Variants in GRID2 observed in about 807,000 individuals in gnomAD.
GRID2 encodes the protein glutamate ionotropic receptor delta type subunit 2.
GRID2 carries 33 observed loss-of-function variants against 114.8 expected under a neutral mutation model. The observed-to-expected ratio is 0.29, with a 90% confidence interval of 0.22 to 0.38. The LOEUF (loss-of-function observed/expected upper bound fraction) is 0.38. Ranked by LOEUF, GRID2 falls within the 10% of genes least tolerant of loss-of-function variation. The pLI is 1.00. For missense variants in GRID2, 1,184 were observed against 1,257.7 expected, an observed-to-expected ratio of 0.94 and a Z score of 0.89; for synonymous variants, 505 against 449.9, an observed-to-expected ratio of 1.12 and a Z score of -1.55.
intron 1 of GRID2, among the ~76,000 whole-genome samples, chr4:92,427,835 T>G (rs1187269966): frequency 6.6e-6 from 1 of 152,344 alleles, no homozygotes; most frequent in Non-Finnish European, 1.5e-5. Flanking sequence ...TTGTGTTTTC[T>G]ACTCTAATTG....
chr4:93,190,711 G>A (rs201711876), intron 4 of GRID2, among the ~76,000 whole-genome samples: 5 of 151,982 alleles, frequency 3.3e-5, no homozygotes, highest in East Asian at 1.9e-4. Flanking sequence ...TATGACCTAC[G>A]CTATTTCCTA....
At chr4:92,816,023 T>C (rs1740886612) in intron 2 of GRID2, among the ~76,000 whole-genome samples, 1 of 139,916 alleles carries the variant, frequency 7.1e-6, no homozygotes, top group Non-Finnish European at 1.5e-5. Flanking sequence ...TTTTTAAAAG[T>C]ACATTTTACT....
At chr4:93,334,829 G>A (rs1231634661) in intron 8 of GRID2, among the ~76,000 whole-genome samples, 4 of 152,106 alleles carry the variant, frequency 2.6e-5, no homozygotes, top group African/African-American at 9.7e-5. Flanking sequence ...TACTCGGGAG[G>A]CTAAGGCAGG....
intron 13 of GRID2, among the ~76,000 whole-genome samples, chr4:93,571,598 G>C (rs1385274653): frequency 6.6e-6 from 1 of 152,058 alleles, no homozygotes; most frequent in Non-Finnish European, 1.5e-5. Context: ...TTTCAGGTTA[G>C]TCATTTAGAC....
intron 14 of GRID2, among the ~76,000 whole-genome samples, chr4:93,746,022 T>C (rs1459058169): frequency 6.6e-6 from 1 of 152,126 alleles, no homozygotes; most frequent in East Asian, 1.9e-4. Flanking sequence ...GTACTGCAGA[T>C]AGTGTAACCA....
chr4:92,429,454 C>A (rs1732329381), intron 1 of GRID2, among the ~76,000 whole-genome samples: 1 of 152,124 alleles, frequency 6.6e-6, no homozygotes, highest in African/African-American at 2.4e-5. Context: ...CCGAATAGTA[C>A]CCCATTCTGT....
chr4:93,024,094 G>C (rs1459323553), intron 2 of GRID2, among the ~76,000 whole-genome samples: 2 of 151,794 alleles, frequency 1.3e-5, no homozygotes, highest in Non-Finnish European at 3.0e-5. Context: ...TAAAAAGCCA[G>C]ATACGGAATT....
intron 2 of GRID2, among the ~76,000 whole-genome samples, chr4:92,878,515 C>A (rs1328814206): frequency 6.6e-6 from 1 of 152,052 alleles, no homozygotes; most frequent in Non-Finnish European, 1.5e-5. Context: ...GTAGTTTGAA[C>A]TTTAAAAGTC....
chr4:93,548,982 A>G (rs1193507842), intron 13 of GRID2, among the ~76,000 whole-genome samples: 1 of 152,238 alleles, frequency 6.6e-6, no homozygotes, highest in East Asian at 1.9e-4. Context: ...ATCAAGGTGT[A>G]GAAGAAATAA....
intron 8 of GRID2, among the ~76,000 whole-genome samples, chr4:93,265,286 A>T (rs559312903): frequency 6.6e-6 from 1 of 152,144 alleles, no homozygotes; most frequent in Non-Finnish European, 1.5e-5. Context: ...TATTTATAAC[A>T]ATTGGAGGCA....
chr4:93,080,003 C>G (rs1321592115), intron 2 of GRID2, among the ~76,000 whole-genome samples: 1 of 152,088 alleles, frequency 6.6e-6, no homozygotes, highest in Admixed American at 6.6e-5. Flanking sequence ...CATATTAAGG[C>G]AAGCTTTATT....
intron 10 of GRID2, among the ~76,000 whole-genome samples, chr4:93,442,417 C>T (rs1029905488): frequency 6.6e-6 from 1 of 151,970 alleles, no homozygotes; most frequent in Non-Finnish European, 1.5e-5. Context: ...ATTATAGAAA[C>T]AATATATATT....
intron 1 of GRID2, among the ~76,000 whole-genome samples, chr4:92,574,718 C>T (rs986453564): frequency 2.0e-4 from 30 of 152,022 alleles, no homozygotes; most frequent in African/African-American, 6.8e-4. Context: ...TTCCCTTTGT[C>T]GGTCACCTGC....
chr4:92,964,731 A>T (rs1401811187), intron 2 of GRID2, among the ~76,000 whole-genome samples: 1 of 151,818 alleles, frequency 6.6e-6, no homozygotes, highest in Non-Finnish European at 1.5e-5. Flanking sequence ...CTATTTTTTC[A>T]TCTGAAGCTT....
intron 9 of GRID2, among the ~76,000 whole-genome samples, chr4:93,417,480 ACATCC>A (rs1488257475): frequency 2.0e-5 from 3 of 152,072 alleles, no homozygotes; most frequent in African/African-American, 7.2e-5. Context: ...TAGTAAAGTA[ACATCC>A]AGAAAACACT....
intron 14 of GRID2, among the ~76,000 whole-genome samples, chr4:93,750,208 A>G (rs1013765812): frequency 4.6e-5 from 7 of 152,256 alleles, no homozygotes; most frequent in Non-Finnish European, 8.8e-5. Context: ...ACATTACTTT[A>G]GTGTTGGAAC....
intron 2 of GRID2, among the ~76,000 whole-genome samples, chr4:92,602,474 G>C (rs1204804602): frequency 6.6e-6 from 1 of 152,064 alleles, no homozygotes; most frequent in Non-Finnish European, 1.5e-5. Context: ...CTCAATAGAT[G>C]CTGAAAAGGA....
At chr4:93,024,300 A>G (rs1170246408) in intron 2 of GRID2, among the ~76,000 whole-genome samples, 3 of 151,768 alleles carry the variant, frequency 2.0e-5, no homozygotes, top group African/African-American at 7.2e-5. Flanking sequence ...GTTTATGAGT[A>G]TGCAATAGAT....
At chr4:93,107,927 T>A (rs1319443088) in intron 3 of GRID2, among the ~76,000 whole-genome samples, 1 of 152,122 alleles carries the variant, frequency 6.6e-6, no homozygotes, top group Non-Finnish European at 1.5e-5. Flanking sequence ...GTATTTTGAA[T>A]AAAATTAAAA....
Sources: allele counts gnomAD v4.1 joint callset (sites outside exome capture counted in the v4.1 genomes callset), GRCh38; gene constraint gnomAD v4.1.1; transcripts MANE v1.5; gene names NCBI Gene and HGNC (gene_info 2026-07-23, HGNC 2026-07-21).